The following CIDEB variants were observed in gnomAD, a reference collection of about 807,000 sequenced individuals.
CIDEB encodes cell death inducing DFFA like effector b, also known as lipid transferase CIDEB.
Under a neutral mutation model 22.4 loss-of-function variants are expected in CIDEB, and 27 were observed. That is an observed-to-expected ratio of 1.21 (90% CI 0.89 to 1.66). The LOEUF (loss-of-function observed/expected upper bound fraction) is 1.66, where lower values mean the gene tolerates loss of function less well. CIDEB is among the 40% of genes most tolerant of loss of function. CIDEB has a pLI of 0.00. For missense variants in CIDEB, 289 were observed against 268.7 expected, an observed-to-expected ratio of 1.08 and a Z score of -0.53; for synonymous variants, 103 against 109.5, an observed-to-expected ratio of 0.94 and a Z score of 0.37.
At chr14:24,311,418 C>T (rs748272105), upstream of CIDEB, 2 of 1,601,438 alleles carry the variant, frequency 1.2e-6, no homozygotes, top group Non-Finnish European at 8.5e-7. Context: ...GGTCGCAGCG[C>T]TGGCTCCACC....
upstream of CIDEB, chr14:24,311,322 G>A (rs199715515): frequency 5.6e-4 from 898 of 1,599,084 alleles, 6 homozygotes; most frequent in African/African-American, 0.011. Flanking sequence ...GCGGCACGGG[G>A]CGCGGGTGGG....
upstream of CIDEB, chr14:24,311,270 C>T (rs1363529646): frequency 3.7e-6 from 6 of 1,600,140 alleles, no homozygotes; most frequent in African/African-American, 1.3e-5. Flanking sequence ...GCTGCTACAG[C>T]GTGACGCTGG....
Position 24,307,439 on chromosome 14 carries a change from C to A in CIDEB, c.118G>T (p.Val40Phe). 2 of 1,614,128 alleles carry A rather than the reference C, an allele frequency of 1.2e-6. No individual in the cohort carries two copies. Among genetic ancestry groups the A allele is most frequent in the East Asian group, 4.5e-5 (2 of 44,878 alleles). ...SAPPPQRPFRVCDHKRTIRKG... is the reference protein window; with the variant it reads ...SAPPPQRPFRFCDHKRTIRKG... ...CGGATGGTCCGCTTGTGATCACAGA[C>A]ACGGAAAGGTCGCTGGGGTGGTGGA... is the stretch of plus-strand genomic sequence containing the variant. Residue 40 changes from valine to phenylalanine, a missense_variant, in exon 2 of 5, where the codon GTC becomes TTC. Coordinates refer to ENST00000554411, the MANE Select transcript of CIDEB (RefSeq NM_001393339.1).
chr14:24,305,861 A>T, intron 4 of CIDEB, 86 bp downstream of exon 4: 1 of 1,584,006 alleles, frequency 6.3e-7, no homozygotes, highest in South Asian at 1.2e-5. Flanking sequence ...GCAAGAGCTA[A>T]CTAGGGGTAG....
upstream of CIDEB, chr14:24,308,282 C>A: frequency 4.2e-6 from 1 of 239,546 alleles, no homozygotes; most frequent in Non-Finnish European, 8.4e-6. Flanking sequence ...CTGCCACCTA[C>A]TGGAGAAGCC....
chr14:24,311,404 A>T (rs1171239853), upstream of CIDEB: 1 of 1,601,804 alleles, frequency 6.2e-7, no homozygotes, highest in Non-Finnish European at 8.5e-7. Flanking sequence ...AACCTTCTGC[A>T]GGCGGTCGCA....
chr14:24,307,596 A>G, intron 1 of CIDEB, 81 bp from the exon 2 acceptor site: 1 of 1,489,816 alleles, frequency 6.7e-7, no homozygotes, highest in Non-Finnish European at 9.2e-7. Context: ...TAGAGTGGCT[A>G]GAGGGCTAGG....
chr14:24,311,127 C>G (rs1594636674), upstream of CIDEB: 5 of 1,584,264 alleles, frequency 3.2e-6, no homozygotes, highest in Non-Finnish European at 4.3e-6. Context: ...GCTCGCCGTC[C>G]CGGCCGCCGT....
chr14:24,305,960 T>C lies in CIDEB; in HGVS notation c.514A>G (p.Lys172Glu), dbSNP rs2041490370. Residue 172 changes from lysine (K) to glutamate (E), a missense_variant, in exon 4 of 5, where the codon AAG becomes GAG. Transcript: ENST00000554411. ...TTGATTTCTGACCTGAGTACTTTCT[T>C]TGGGCCAAGTCCTTGAAAGTCACAA... ...MSCDFQGLGP[K>E]KVLRELLRWT... The C allele has an allele frequency of 6.2e-7, 1 of 1,613,662 alleles. No homozygotes were observed. The highest frequency in any genetic ancestry group is 1.1e-5 in the South Asian group (1 of 91,068).
upstream of CIDEB, chr14:24,311,264 C>T (rs773336602): frequency 6.2e-7 from 1 of 1,602,768 alleles, no homozygotes; most frequent in South Asian, 1.1e-5. Context: ...TGCTCGGCTG[C>T]TACAGCGTGA....
In CIDEB at chr14:24,305,508, A is replaced by C. The variant is rs1021291956; in HGVS notation, c.*125T>G. The C allele has an allele frequency of 4.7e-4, 557 of 1,182,020 alleles. No homozygotes were observed. Among genetic ancestry groups the C allele is most frequent in the Non-Finnish European group, 6.3e-4 (523 of 836,342 alleles). 73.2% of individuals were successfully genotyped at this position (1,182,020 alleles called of 1,614,324 possible). On this transcript the variant is annotated 3_prime_UTR_variant, in exon 5 of 5. Coordinates refer to ENST00000554411, the MANE Select transcript of CIDEB (RefSeq NM_001393339.1). ...AAAGGTTCTGTCACGAGGGGATCAG[A>C]GGACAGTGGGGAAATTGGGTGGGTT...
upstream of CIDEB, chr14:24,310,591 C>A: frequency 6.9e-7 from 1 of 1,455,148 alleles, no homozygotes; most frequent in Non-Finnish European, 9.7e-7. Context: ...TCTCATCGGG[C>A]ATCACAGGTG....
chr14:24,306,774 A>T, intron 2 of CIDEB: 1 of 517,308 alleles, frequency 1.9e-6, no homozygotes, highest in East Asian at 3.3e-5. Flanking sequence ...CCTCCAAGTC[A>T]CTTCTGGTTT....
intron 2 of CIDEB, 69 bp from the exon 3 acceptor site, chr14:24,306,592 A>G (rs2041516503): frequency 6.3e-7 from 1 of 1,596,180 alleles, no homozygotes; most frequent in Non-Finnish European, 8.6e-7. Flanking sequence ...GCTGCCCAAC[A>G]TCCATCAGTT....
upstream of CIDEB, chr14:24,309,436 T>G (rs1372227335): frequency 6.6e-6 from 1 of 152,224 alleles, no homozygotes; most frequent in African/African-American, 2.4e-5. Flanking sequence ...GCCTTTCTTT[T>G]CCCTTCCCCC....
upstream of CIDEB, chr14:24,309,504 CT>C (rs1256126432): frequency 6.6e-6 from 1 of 152,238 alleles, no homozygotes; most frequent in African/African-American, 2.4e-5. Flanking sequence ...TTTTGCTTGA[CT>C]TTTCCAAGAG....
upstream of CIDEB, chr14:24,309,529 C>T (rs2041621698): frequency 6.6e-6 from 1 of 152,250 alleles, no homozygotes. Context: ...AGGGCTGCTT[C>T]TTAGTATGTC....
At position 24,306,144 on chromosome 14, in the gene CIDEB, G is replaced by A; in HGVS notation, c.337-7C>T. The A allele has an allele frequency of 6.2e-7, 1 of 1,612,246 alleles. No homozygotes were observed. The highest frequency in any genetic ancestry group is 8.5e-7 in the Non-Finnish European group (1 of 1,178,940). On this transcript the variant is annotated splice_region_variant and splice_polypyrimidine_tract_variant and intron_variant, in intron 3 of 4. Coordinates refer to ENST00000554411, the MANE Select transcript of CIDEB (RefSeq NM_001393339.1). ...CATATGACAGCACTCCACTCTGTAG[G>A]ACACCCTTGTCAGTGCAGTAGATCC... is the stretch of plus-strand genomic sequence containing the variant.
At chr14:24,305,799 T>C (rs758799306) in intron 4 of CIDEB, 34 bp from the exon 5 acceptor site, 7 of 1,607,164 alleles carry the variant, frequency 4.4e-6, no homozygotes, top group Middle Eastern at 3.3e-4. Flanking sequence ...ATCAGATGAT[T>C]TGGAAAACTT....
Sources: allele counts gnomAD v4.1 joint callset, GRCh38; gene constraint gnomAD v4.1.1; transcripts MANE v1.5; gene names NCBI Gene and HGNC (gene_info 2026-07-23, HGNC 2026-07-21).